The following GET1 variants were observed in gnomAD, a reference collection of about 807,000 sequenced individuals.
The protein encoded by GET1 is congenital heart disease 5 protein.
In GET1, 20 loss-of-function variants were observed where a neutral mutation model predicts 22.6. The observed-to-expected ratio is 0.89, with a 90% CI of 0.62 to 1.29. GET1 has a LOEUF of 1.29. Ranked by LOEUF, GET1 falls within the 50% of genes most tolerant of loss-of-function variation. The pLI, the probability that GET1 is intolerant of heterozygous loss-of-function variation, is 0.00. For synonymous variants in GET1, 92 were observed against 83.8 expected, an observed-to-expected ratio of 1.10 and a Z score of -0.53; for missense variants, 209 against 219.9, an observed-to-expected ratio of 0.95 and a Z score of 0.31.
intron 3 of GET1, chr21:39,392,837 T>A (rs2038396208): frequency 4.2e-6 from 1 of 235,426 alleles, no homozygotes; most frequent in Non-Finnish European, 8.3e-6. Flanking sequence ...CTTTGGTTAG[T>A]TTATCAGCTA....
chr21:39,406,233 A>C, exon 5 of GET1: 1 of 1,614,242 alleles, frequency 6.2e-7, no homozygotes, highest in Non-Finnish European at 8.5e-7. Flanking sequence ...GCTTGCCTGT[A>C]CTATGACTGT....
At chr21:39,395,555 G>A (rs1021946593) in intron 4 of GET1, among the ~76,000 whole-genome samples, 2 of 152,034 alleles carry the variant, frequency 1.3e-5, no homozygotes, top group Admixed American at 6.5e-5. Flanking sequence ...GTAGAGACAG[G>A]GTTTCACCAT....
At chr21:39,385,359 G>T (rs1362535186) in intron 1 of GET1, among the ~76,000 whole-genome samples, 1 of 152,136 alleles carries the variant, frequency 6.6e-6, no homozygotes, top group East Asian at 1.9e-4. Flanking sequence ...AGAAGTCCTT[G>T]GGCCAGTTAA....
chr21:39,380,476 T>C lies in GET1; in HGVS notation c.92T>C (p.Phe31Ser). 6.2e-7 allele frequency: 1 copy of C among 1,612,004 alleles called. No homozygotes were observed. The highest frequency in any genetic ancestry group is 1.1e-5 in the South Asian group (1 of 90,472). The change falls in exon 1 of 5, where the codon TTC (phenylalanine) becomes TCC (serine). Residue 31 changes from phenylalanine to serine, a missense_variant. Transcript: ENST00000649170. ...GTTCTTAGGATCCTCCTCCCGTCCT[T>C]CTCATCCTTCGTAAGTGGCTGCCTG... ...CNVLRILLPS[F>S]SSFMSRVLQK...
intron 1 of GET1, chr21:39,423,020 ATAAT>A: frequency 6.2e-6 from 10 of 1,614,068 alleles, no homozygotes; most frequent in Non-Finnish European, 8.5e-6. Context: ...GTGATAATAG[ATAAT>A]TTATGAGTGA....
chr21:39,410,477 A>C (rs2039896345), downstream of GET1: 3 of 583,946 alleles, frequency 5.1e-6, no homozygotes, highest in Non-Finnish European at 8.8e-6. Flanking sequence ...TATACTAAGT[A>C]TTTTCTAAAT....
intron 1 of GET1, among the ~76,000 whole-genome samples, chr21:39,382,765 T>C (rs2037633023): frequency 6.6e-6 from 1 of 152,212 alleles, no homozygotes; most frequent in South Asian, 2.1e-4. Context: ...TCTGGACATA[T>C]ACCCAGCAGT....
chr21:39,381,469 A>G (rs564175107), intron 1 of GET1, among the ~76,000 whole-genome samples: 1 of 152,272 alleles, frequency 6.6e-6, no homozygotes, highest in East Asian at 1.9e-4. Context: ...GCAAAACTCT[A>G]TTCTTACTCT....
At position 39,428,213 on chromosome 21, in the gene GET1, T is replaced by C. The variant is rs772756779; in HGVS notation, c.*24-19T>C. On this transcript the variant is annotated intron_variant, in intron 1 of 1. Transcript: ENST00000478273. ...TTTAGAAACATTATACTTTTTCTTC[T>C]CCTTTTCTTTTACCACAGGCTGCTT... 2.5e-6 allele frequency: 4 copies of C among 1,599,274 alleles called. No homozygotes were observed. The African/African-American group carries it at 5.4e-5, about 22-fold the overall frequency.
At chr21:39,398,353 G>A (rs115580964), downstream of GET1, among the ~76,000 whole-genome samples, 2,150 of 152,240 alleles carry the variant, frequency 0.014, 50 homozygotes, top group African/African-American at 0.05. Flanking sequence ...ACAGTGCACC[G>A]GCCATGTAGA....
chr21:39,393,336 G>A (rs2038430942), intron 4 of GET1, 56 bp downstream of exon 4: 2 of 1,404,200 alleles, frequency 1.4e-6, no homozygotes, highest in Non-Finnish European at 2.0e-6. Flanking sequence ...ATGTAGAGGT[G>A]TGTGGTAGAA....
At chr21:39,416,907 G>A (rs1252274561) in intron 1 of GET1, among the ~76,000 whole-genome samples, 13 of 152,124 alleles carry the variant, frequency 8.5e-5, no homozygotes, top group Admixed American at 8.5e-4. Context: ...TCTTTCTGTG[G>A]CTTTGTGCCA....
chr21:39,403,970 G>A (rs2147035838), intron 4 of GET1, among the ~76,000 whole-genome samples: 1 of 152,116 alleles, frequency 6.6e-6, no homozygotes, highest in South Asian at 2.1e-4. Context: ...CCTTCGCCCA[G>A]GCTGGAGTGC....
At chr21:39,381,138 G>C (rs867842225) in intron 1 of GET1, among the ~76,000 whole-genome samples, 3 of 152,168 alleles carry the variant, frequency 2.0e-5, no homozygotes, top group Non-Finnish European at 4.4e-5. Context: ...GTGGCACTAA[G>C]TCATCCACCT....
At chr21:39,392,998 A>G (rs1479686192) in intron 3 of GET1, 168 bp from the exon 4 acceptor site, 1 of 573,280 alleles carries the variant, frequency 1.7e-6, no homozygotes, top group Non-Finnish European at 3.1e-6. Flanking sequence ...AAGGGACATT[A>G]GTGGCTGTGC....
Position 39,396,438 on chromosome 21 carries a change from C to T in GET1, c.452-428C>T, listed in dbSNP as rs139708731. 3.9e-3 allele frequency among the ~76,000 whole-genome samples: 594 copies of T among 151,452 alleles called. 7 individuals are homozygous for T. The highest frequency in any genetic ancestry group is 0.014 in the African/African-American group (566 of 41,294). On this transcript the variant is annotated intron_variant, in intron 4 of 4. Transcript: ENST00000649170. The stretch of plus-strand genomic sequence containing the variant: ...AGCTACTCGGGAGGCTGAGGCAGGA[C>T]AATGGCGTGAACCCGGGAGGTAGAG...
chr21:39,423,324 AT>A (rs1180917688), intron 1 of GET1: 1 of 1,611,806 alleles, frequency 6.2e-7, no homozygotes. Flanking sequence ...CTTCCAATTT[AT>A]GATGCATATC....
chr21:39,396,196 G>A (rs2038632076), intron 4 of GET1, among the ~76,000 whole-genome samples: 2 of 152,140 alleles, frequency 1.3e-5, no homozygotes, highest in Admixed American at 1.3e-4. Flanking sequence ...AGGAGTTTGA[G>A]ACTAGCCTGA....
chr21:39,384,313 G>A (rs1434585994), intron 1 of GET1, among the ~76,000 whole-genome samples: 11 of 151,922 alleles, frequency 7.2e-5, no homozygotes, highest in African/African-American at 2.7e-4. Flanking sequence ...CTGGAGTGCA[G>A]TGGCGCTATC....
Sources: gnomAD v4.1 joint callset for allele counts (sites outside exome capture counted in the v4.1 genomes callset) on GRCh38, gnomAD v4.1.1 for gene constraint, MANE v1.5 for transcripts, NCBI Gene and HGNC (gene_info 2026-07-23, HGNC 2026-07-21) for gene names.